Variants in ZFYVE1 observed in about 807,000 individuals in gnomAD.
The protein encoded by ZFYVE1 is zinc finger FYVE-type containing 1, also known as zinc finger FYVE domain-containing protein 1.
ZFYVE1 carries 30 observed loss-of-function variants against 74.4 expected under a neutral mutation model. That is an observed-to-expected ratio of 0.40 (90% CI 0.30 to 0.55). The LOEUF is 0.55. Among genes scored for constraint, ZFYVE1 ranks in the 20% least tolerant of loss-of-function variants. The pLI is 0.42. For missense variants in ZFYVE1, 703 were observed against 1,011.6 expected (o/e 0.69, Z 4.14); for synonymous variants, 335 against 385.1 (o/e 0.87, Z 1.52).
intron 4 of ZFYVE1, among the ~76,000 whole-genome samples, chr14:72,988,902 G>A (rs948182533): frequency 2.0e-5 from 3 of 148,160 alleles, no homozygotes; most frequent in Admixed American, 6.7e-5. Flanking sequence ...ACACGCACAT[G>A]CACTTTTACA....
Position 73,024,518 on chromosome 14 carries a change from G to A in ZFYVE1, c.-10C>T, listed in dbSNP as rs376454379. 38 of 1,582,580 alleles carry A rather than the reference G, an allele frequency of 2.4e-5. No individual in the cohort carries two copies. The highest frequency in any genetic ancestry group is 8.1e-5 in the African/African-American group (6 of 74,042). On this transcript the variant is annotated 5_prime_UTR_variant, in exon 2 of 12. An upstream open reading frame in the 5' UTR gains an earlier in-frame stop. Coordinates refer to ENST00000556143, the MANE Select transcript of ZFYVE1 (RefSeq NM_021260.4). ...AAGTCTGGGCACTCATACTCACGCT[G>A]GTAAGGAAACACACCCACCATATAA... is the stretch of plus-strand genomic sequence containing the variant.
chr14:73,023,596 G>A (rs1894392327), intron 2 of ZFYVE1, among the ~76,000 whole-genome samples: 1 of 151,408 alleles, frequency 6.6e-6, no homozygotes, highest in Admixed American at 6.7e-5. Context: ...GTGTTTCCCT[G>A]GATAGGTGCA....
intron 2 of ZFYVE1, among the ~76,000 whole-genome samples, chr14:73,013,530 C>T (rs1163989254): frequency 6.6e-6 from 1 of 151,984 alleles, no homozygotes; most frequent in Non-Finnish European, 1.5e-5. Flanking sequence ...ATCGCTTGAA[C>T]CCAGGTTGTA....
chr14:72,975,470 GA>G lies in ZFYVE1; in HGVS notation c.1806+80del. 1 of 1,500,024 alleles carries G rather than the reference GA, an allele frequency of 6.7e-7. No individual in the cohort carries two copies. Among genetic ancestry groups the G allele is most frequent in the South Asian group, 1.4e-5 (1 of 73,728 alleles). 92.9% of individuals were successfully genotyped at this position (1,500,024 alleles called of 1,614,324 possible). ...AGAAAATGTTTGCGTCTCCCTCACA[GA>G]ACAAGCTTAGCACAGGGCAAAGCGG... is the stretch of plus-strand genomic sequence containing the variant. On this transcript the variant is annotated intron_variant, in intron 9 of 11. Coordinates refer to ENST00000556143, the MANE Select transcript of ZFYVE1 (RefSeq NM_021260.4). This position sits in a 1 kb window ranked among gnomAD's most constrained non-coding sequence, Gnocchi z 4.1.
In ZFYVE1 at chr14:73,015,393, AGGGGAAGGAAGGGG is replaced by A. The variant is rs1346943944; in HGVS notation, c.483+8619_483+8632del. On this transcript the variant is annotated intron_variant, in intron 2 of 11. Coordinates refer to ENST00000556143, the MANE Select transcript of ZFYVE1 (RefSeq NM_021260.4). Reference sequence around the variant, plus strand: ...GAGGGGAAGGAAGGGGGGAAGGAAGAGGGGAAGGAAGGGGGGGGAAGGAAGGGGAAGGAAGGAAG... The same window carrying A: ...GAGGGGAAGGAAGGGGGGAAGGAAGAGGGGAAGGAAGGGGAAGGAAGGAAG... Among the ~76,000 whole-genome samples the A allele has an allele frequency of 2.8e-3, 5 of 1,774 alleles. 1 individual carries two copies. The highest frequency in any genetic ancestry group is 0.048 in the East Asian group (2 of 42). 1.2% of individuals were successfully genotyped at this position (1,774 alleles called of 152,430 possible). A position where few individuals can be genotyped will look rare whatever the true frequency, so the allele number is the denominator to read the frequency against.
At chr14:72,985,284 T>C (rs1893445088) in intron 4 of ZFYVE1, among the ~76,000 whole-genome samples, 1 of 151,916 alleles carries the variant, frequency 6.6e-6, no homozygotes, top group Non-Finnish European at 1.5e-5. Context: ...GCCTCCCAAG[T>C]AGCTGGGATC....
intron 10 of ZFYVE1, among the ~76,000 whole-genome samples, 200 bp downstream of exon 10, chr14:72,974,579 T>G (rs1805749569): frequency 6.6e-6 from 1 of 152,218 alleles, no homozygotes; most frequent in Non-Finnish European, 1.5e-5. Flanking sequence ...CAGCTAAGAA[T>G]GCAGGACAGG....
chr14:72,992,592 C>G (rs1594845078), intron 4 of ZFYVE1, among the ~76,000 whole-genome samples: 1 of 140,448 alleles, frequency 7.1e-6, no homozygotes, highest in African/African-American at 2.7e-5. Flanking sequence ...TTTTCTACCT[C>G]TGGGGGGAGG....
intron 4 of ZFYVE1, among the ~76,000 whole-genome samples, chr14:72,982,997 C>T (rs1893377677): frequency 6.6e-6 from 1 of 152,056 alleles, no homozygotes; most frequent in African/African-American, 2.4e-5. Flanking sequence ...GCACCCACCA[C>T]CACACCCGGC....
chr14:73,022,253 A>G (rs910593054), intron 2 of ZFYVE1, among the ~76,000 whole-genome samples: 1 of 152,246 alleles, frequency 6.6e-6, no homozygotes, highest in Non-Finnish European at 1.5e-5. Flanking sequence ...CTGTGTTAGC[A>G]AAGTATTAAC....
intron 2 of ZFYVE1, among the ~76,000 whole-genome samples, chr14:73,009,906 G>C (rs1374718648): frequency 6.6e-6 from 1 of 152,108 alleles, no homozygotes; most frequent in Admixed American, 6.6e-5. Context: ...CCAGGAATTA[G>C]AGACCAGCCT....
At chr14:72,991,183 ATTTTTTTT>A (rs57153409) in intron 4 of ZFYVE1, among the ~76,000 whole-genome samples, 3 of 83,568 alleles carry the variant, frequency 3.6e-5, no homozygotes, top group Non-Finnish European at 4.5e-5. Flanking sequence ...CCCTGATGGT[ATTTTTTTT>A]TTTTTTTTTT....
At chr14:72,992,630 T>TCCCCCC (rs1324391955) in intron 4 of ZFYVE1, among the ~76,000 whole-genome samples, 5 of 55,306 alleles carry the variant, frequency 9.0e-5, no homozygotes, top group African/African-American at 1.4e-4. Flanking sequence ...CCCCGCCCCT[T>TCCCCCC]GCAAGAGAGA....
intron 2 of ZFYVE1, among the ~76,000 whole-genome samples, chr14:73,006,709 C>CTTTTTTTTT (rs35364666): frequency 3.9e-5 from 3 of 77,638 alleles, no homozygotes; most frequent in Non-Finnish European, 4.9e-5. Flanking sequence ...ACCCCAGTTC[C>CTTTTTTTTT]TTTTTTTTTT....
chr14:73,013,397 C>T (rs1323744791), intron 2 of ZFYVE1, among the ~76,000 whole-genome samples: 5 of 152,130 alleles, frequency 3.3e-5, no homozygotes, highest in African/African-American at 1.2e-4. Flanking sequence ...CACCTGAGAT[C>T]AAGAGTCCAA....
At chr14:73,011,171 C>CAAA (rs34380657) in intron 2 of ZFYVE1, among the ~76,000 whole-genome samples, 3 of 141,904 alleles carry the variant, frequency 2.1e-5, no homozygotes, top group Admixed American at 2.1e-4. Context: ...CTCACTGTCT[C>CAAA]AAAAAAAAAA....
At chr14:72,991,916 T>A (rs1308005364) in intron 4 of ZFYVE1, among the ~76,000 whole-genome samples, 1 of 151,926 alleles carries the variant, frequency 6.6e-6, no homozygotes, top group African/African-American at 2.4e-5. Flanking sequence ...TCCCTCTTTT[T>A]TTTTTTTTGA....
chr14:72,978,756 C>T, intron 6 of ZFYVE1, 105 bp downstream of exon 6: 1 of 881,962 alleles, frequency 1.1e-6, no homozygotes, highest in Non-Finnish European at 1.9e-6. Flanking sequence ...ATTTGAATAT[C>T]AAATACTTCA....
intron 11 of ZFYVE1, among the ~76,000 whole-genome samples, chr14:72,971,860 C>T (rs958957880): frequency 6.6e-6 from 1 of 152,182 alleles, no homozygotes; most frequent in Non-Finnish European, 1.5e-5. Context: ...GAAGTCTGGG[C>T]TCTGGAGTCA....
Sources: gnomAD v4.1 joint callset for allele counts (sites outside exome capture counted in the v4.1 genomes callset) on GRCh38, gnomAD v4.1.1 for gene constraint, Gnocchi (gnomAD v3.1) non-coding constraint, MANE v1.5 for transcripts, NCBI Gene and HGNC (gene_info 2026-07-23, HGNC 2026-07-21) for gene names.